CWF19L1: variants seen among roughly 807,000 people sequenced by gnomAD.
CWF19L1 encodes the protein CWF19-like protein 1.
A neutral mutation model predicts 69.7 loss-of-function variants in CWF19L1; 60 were observed. The ratio of observed to expected loss-of-function variants is 0.86; its 90% CI spans 0.70 to 1.07. The LOEUF (loss-of-function observed/expected upper bound fraction) is 1.07, where lower values mean the gene tolerates loss of function less well. CWF19L1 is among the 50% of genes least tolerant of loss of function. The pLI is 0.00. For synonymous variants in CWF19L1, 209 were observed against 222.2 expected, an observed-to-expected ratio of 0.94 and a Z score of 0.53; for missense variants, 591 against 638.9, an observed-to-expected ratio of 0.92 and a Z score of 0.81.
intron 7 of CWF19L1, among the ~76,000 whole-genome samples, chr10:100,247,619 G>A (rs114442073): frequency 0.011 from 1,692 of 152,350 alleles, 41 homozygotes; most frequent in African/African-American, 0.038. Flanking sequence ...CGTGGGCTGG[G>A]GGTGGCGGCT....
chr10:100,236,886 C>G lies in CWF19L1; in HGVS notation c.1338G>C (p.Glu446Asp). 1 of 1,611,448 alleles carries G rather than the reference C, an allele frequency of 6.2e-7. No individual in the cohort carries two copies. The highest frequency in any genetic ancestry group is 8.5e-7 in the Non-Finnish European group (1 of 1,178,902). ...FITQAQEQQI[E>D]LLEIPEHSDI... ...CAGAGTGCTCTGGGATTTCCAACAG[C>G]TCTATCTGCTGCTCCTGTGCCTGGG... The change falls in exon 12 of 14, where the codon GAG becomes GAC. Residue 446 changes from glutamate to aspartate, a missense_variant. Physicochemically the swap from Glu to Asp is conservative, Grantham distance 45 (BLOSUM62 2). Around this residue, in one of 3 missense-constraint regions of CWF19L1, gnomAD observed 458 missense variants for 489.3 expected, o/e 0.94. Coordinates refer to ENST00000354105, the MANE Select transcript of CWF19L1 (RefSeq NM_018294.6).
At chr10:100,253,809 A>C in intron 5 of CWF19L1, 1 of 336,596 alleles carries the variant, frequency 3.0e-6, no homozygotes, top group Non-Finnish European at 5.3e-6. Flanking sequence ...CAAAACACAA[A>C]TTATTAAAAC....
intron 9 of CWF19L1, among the ~76,000 whole-genome samples, chr10:100,244,496 C>T (rs916875238): frequency 1.3e-5 from 2 of 152,094 alleles, no homozygotes; most frequent in African/African-American, 4.8e-5. Flanking sequence ...GCTGGGACTA[C>T]GGGCGTCTGC....
intron 7 of CWF19L1, chr10:100,248,394 G>T (rs554407203): frequency 6.8e-5 from 52 of 762,530 alleles, no homozygotes; most frequent in African/African-American, 5.1e-4. Context: ...ATTCCATGGA[G>T]TACAGAACAC....
At chr10:100,255,566 T>C (rs1847182411) in intron 5 of CWF19L1, among the ~76,000 whole-genome samples, 1 of 152,024 alleles carries the variant, frequency 6.6e-6, no homozygotes, top group Non-Finnish European at 1.5e-5. Flanking sequence ...AGTTCATGAC[T>C]AGCCTGGGCA....
intron 8 of CWF19L1, among the ~76,000 whole-genome samples, chr10:100,246,389 T>C (rs1343031314): frequency 6.6e-6 from 1 of 152,210 alleles, no homozygotes; most frequent in Non-Finnish European, 1.5e-5. Flanking sequence ...AAAATTAATT[T>C]GAGAAAACTC....
chr10:100,263,574 G>C (rs937417013), intron 1 of CWF19L1, among the ~76,000 whole-genome samples: 1 of 152,184 alleles, frequency 6.6e-6, no homozygotes, highest in Non-Finnish European at 1.5e-5. Flanking sequence ...ATAGGAGCCT[G>C]CATTTCTTCC....
intron 4 of CWF19L1, among the ~76,000 whole-genome samples, chr10:100,259,853 A>G (rs543141375): frequency 6.6e-6 from 1 of 152,176 alleles, no homozygotes; most frequent in South Asian, 2.1e-4. Context: ...TGAGAACACT[A>G]TATTATGTTC....
At position 100,243,741 on chromosome 10, in the gene CWF19L1, C is replaced by A. The variant is rs201282546; in HGVS notation, c.1001G>T (p.Ser334Ile). ...CACCAAATGTTTTTCCACTTCAGGG[C>A]TAGCAAGGCAAAACCAGCAGGGTCC... ...PPGPCWFCLASPEVEKHLVVN... is the reference protein window; with the variant it reads ...PPGPCWFCLAIPEVEKHLVVN... The change falls in exon 10 of 14, where the codon AGC becomes ATC. Residue 334 changes from serine to isoleucine, a missense_variant. Coordinates refer to ENST00000354105, the MANE Select transcript of CWF19L1 (RefSeq NM_018294.6). 8 of 1,614,178 alleles carry A rather than the reference C, an allele frequency of 5.0e-6. No individual in the cohort carries two copies. Among genetic ancestry groups the A allele is most frequent in the Non-Finnish European group, 6.8e-6 (8 of 1,180,006 alleles).
intron 5 of CWF19L1, 146 bp downstream of exon 5, chr10:100,256,116 T>C (rs1233438921): frequency 1.3e-5 from 8 of 634,726 alleles, no homozygotes; most frequent in Non-Finnish European, 1.7e-5. Context: ...ACAGAACTTT[T>C]AGAATCCTGA....
chr10:100,246,977 T>G, intron 7 of CWF19L1, 42 bp from the exon 8 acceptor site: 1 of 1,524,892 alleles, frequency 6.6e-7, no homozygotes, highest in South Asian at 1.2e-5. Context: ...GGAAATACTA[T>G]TTACCCAACT....
intron 11 of CWF19L1, 68 bp from the exon 12 acceptor site, chr10:100,237,037 T>C (rs1846465227): frequency 3.3e-6 from 5 of 1,520,826 alleles, no homozygotes; most frequent in Non-Finnish European, 4.4e-6. Context: ...GCACAGTCTC[T>C]GAGAAGTAGC....
chr10:100,260,011 A>G (rs886311253), intron 4 of CWF19L1, among the ~76,000 whole-genome samples: 1 of 151,836 alleles, frequency 6.6e-6, no homozygotes, highest in Non-Finnish European at 1.5e-5. Context: ...CTAAAAATAT[A>G]AAAAAAATTA....
chr10:100,244,066 C>T (rs1015126784), intron 9 of CWF19L1, among the ~76,000 whole-genome samples: 1 of 152,200 alleles, frequency 6.6e-6, no homozygotes, highest in Non-Finnish European at 1.5e-5. Context: ...CAAAAGAACA[C>T]TGAACTGGGT....
chr10:100,248,575 T>C (rs1279420661), intron 7 of CWF19L1: 2 of 732,644 alleles, frequency 2.7e-6, no homozygotes, highest in South Asian at 2.9e-5. Flanking sequence ...TCCTCGCATC[T>C]TGACCAGCAT....
At chr10:100,248,060 T>G (rs12252052) in intron 7 of CWF19L1, among the ~76,000 whole-genome samples, 3 of 152,154 alleles carry the variant, frequency 2.0e-5, no homozygotes, top group Non-Finnish European at 4.4e-5. Context: ...AAGTATAAGT[T>G]GCTTATGGCT....
chr10:100,264,246 T>C (rs1001171907), intron 1 of CWF19L1, among the ~76,000 whole-genome samples: 2 of 152,204 alleles, frequency 1.3e-5, no homozygotes, highest in Non-Finnish European at 2.9e-5. Context: ...GGTTTATGTA[T>C]AATATTTAGC....
chr10:100,232,671 C>T lies in CWF19L1; in HGVS notation c.*556G>A, dbSNP rs1256922679. ...CAGGTGATCCACCTGCCTCGGCTTC[C>T]CAAAGTACTGGGATTACAGGCGTGA... On this transcript the variant is annotated 3_prime_UTR_variant, in exon 14 of 14. Coordinates refer to ENST00000354105, the MANE Select transcript of CWF19L1 (RefSeq NM_018294.6). 6.6e-6 allele frequency: 1 copy of T among 152,346 alleles called. No homozygotes were observed. The highest frequency in any genetic ancestry group is 2.4e-5 in the African/African-American group (1 of 41,456). The allele number at this position is 152,346 out of a possible 1,614,324, so 9.4% of individuals were successfully genotyped here.
At chr10:100,254,837 T>C (rs531750490) in intron 5 of CWF19L1, among the ~76,000 whole-genome samples, 121 of 152,328 alleles carry the variant, frequency 7.9e-4, no homozygotes, top group African/African-American at 2.8e-3. Flanking sequence ...CTAGCTTTGC[T>C]ATATCCTTGT....
Sources: gnomAD v4.1 joint callset for allele counts (sites outside exome capture counted in the v4.1 genomes callset) on GRCh38, gnomAD v4.1.1 for gene constraint, gnomAD v4.1.1 regional missense constraint, MANE v1.5 for transcripts, NCBI Gene and HGNC (gene_info 2026-07-23, HGNC 2026-07-21) for gene names.